The following DNMT3A variants were observed in gnomAD, a reference collection of about 807,000 sequenced individuals.
DNMT3A encodes the protein DNA (cytosine-5)-methyltransferase 3A.
A neutral mutation model predicts 117.6 loss-of-function variants in DNMT3A; 267 were observed. That is an observed-to-expected ratio of 2.27 (90% CI 2.05 to 2.51). The LOEUF is 2.51. DNMT3A is among the 30% of genes most tolerant of loss of function. The probability of loss-of-function intolerance (pLI) is 0.00; values close to 1 mark genes in which losing one functional copy is unlikely to be tolerated. For missense variants in DNMT3A, 1,029 were observed against 1,260.2 expected (o/e 0.82, Z 2.78); for synonymous variants, 432 against 474.8 (o/e 0.91, Z 1.17).
At chr2:25,300,316 C>A (rs1558721853) in intron 2 of DNMT3A, 73 bp from the exon 3 acceptor site, 7 of 1,512,680 alleles carry the variant, frequency 4.6e-6, no homozygotes, top group Middle Eastern at 1.8e-4. Flanking sequence ...CTGTCTGGGG[C>A]TGGCCCTGGC....
chr2:25,335,815 A>G (rs759506055), intron 1 of DNMT3A, among the ~76,000 whole-genome samples: 2 of 152,196 alleles, frequency 1.3e-5, no homozygotes, highest in Non-Finnish European at 2.9e-5. Flanking sequence ...GGAAAGATCA[A>G]TAGGGATGGT....
rs2149385718 is a variant in DNMT3A, at chr2:25,286,585, G to T, written c.178-3874C>A. Among the ~76,000 whole-genome samples, 1 of 152,332 alleles carries T rather than the reference G, an allele frequency of 6.6e-6. No homozygotes were observed. Among genetic ancestry groups the T allele is most frequent in the East Asian group, 1.9e-4 (1 of 5,188 alleles). On this transcript the variant is annotated intron_variant, in intron 3 of 22. Coordinates refer to ENST00000321117, the MANE Select transcript of DNMT3A (RefSeq NM_022552.5). This position sits in a 1 kb window ranked among gnomAD's most constrained non-coding sequence, Gnocchi z 4.3. ...ATGACTTCTGCCACGCTCAACCCTT[G>T]ATTCATCCTACCCATCAAGAACTCC...
chr2:25,242,371 G>A (rs1674182165), intron 16 of DNMT3A, among the ~76,000 whole-genome samples: 1 of 152,120 alleles, frequency 6.6e-6, no homozygotes, highest in African/African-American at 2.4e-5. Context: ...ACTGAGGCAA[G>A]GAAACAATCA....
rs530442444 is a variant in DNMT3A, at chr2:25,294,200, C to CT, written c.177+5938dup. 5.3e-5 allele frequency among the ~76,000 whole-genome samples: 8 copies of CT among 152,294 alleles called. No homozygotes were observed. In the South Asian group the frequency reaches 1.7e-3, roughly 32 times the overall value. On this transcript the variant is annotated intron_variant, in intron 3 of 22. Coordinates refer to ENST00000321117, the MANE Select transcript of DNMT3A (RefSeq NM_022552.5). The surrounding 1 kb of genome is among the most constrained non-coding windows in gnomAD (Gnocchi z 4.7). ...GCCCCACCTCCTCCATCTTCCCTGG[C>CT]TTCCCCGGCATCCTTAGGAGTCCCA...
At chr2:25,268,567 G>A (rs1372168387) in intron 6 of DNMT3A, among the ~76,000 whole-genome samples, 1 of 152,148 alleles carries the variant, frequency 6.6e-6, no homozygotes, top group African/African-American at 2.4e-5. Flanking sequence ...AGGAAGAGGA[G>A]CTAAGGGAGT....
chr2:25,296,927 A>G lies in DNMT3A; in HGVS notation c.177+3212T>C, dbSNP rs1250376981. 6.6e-6 allele frequency among the ~76,000 whole-genome samples: 1 copy of G among 152,100 alleles called. No homozygotes were observed. Among genetic ancestry groups the G allele is most frequent in the Non-Finnish European group, 1.5e-5 (1 of 68,000 alleles). ...GCCAGGGTTTCATCTCTTACTTCCC[A>G]GTCCCCATCCCTGTCACACCTGTCA... On this transcript the variant is annotated intron_variant, in intron 3 of 22. Transcript: ENST00000321117. This position sits in a 1 kb window ranked among gnomAD's most constrained non-coding sequence, Gnocchi z 4.2.
chr2:25,301,065 T>C (rs965649144), intron 2 of DNMT3A, among the ~76,000 whole-genome samples: 3 of 150,732 alleles, frequency 2.0e-5, no homozygotes, highest in East Asian at 2.0e-4. Context: ...GGTCAGGAGA[T>C]TGAGACCATC....
At chr2:25,329,671 C>CT (rs2034933438) in intron 1 of DNMT3A, among the ~76,000 whole-genome samples, 1 of 95,114 alleles carries the variant, frequency 1.1e-5, no homozygotes, top group African/African-American at 4.5e-5. Context: ...GTCATGCAGA[C>CT]CCCACACACA....
In DNMT3A at chr2:25,293,485, G is replaced by C. The variant is rs1205623708; in HGVS notation, c.177+6654C>G. ...GCAAACTACCTTTCCAATCAAGATT[G>C]AGAAGATTTTTCTTCTTTCTTTGAG... On this transcript the variant is annotated intron_variant, in intron 3 of 22. Transcript: ENST00000321117. This position sits in a 1 kb window ranked among gnomAD's most constrained non-coding sequence, Gnocchi z 4.7. Among the ~76,000 whole-genome samples, 1 of 152,130 alleles carries C rather than the reference G, an allele frequency of 6.6e-6. No homozygotes were observed. Among genetic ancestry groups the C allele is most frequent in the Non-Finnish European group, 1.5e-5 (1 of 68,026 alleles).
At chr2:25,309,000 C>CACACACAT (rs57618482) in intron 2 of DNMT3A, among the ~76,000 whole-genome samples, 1 of 151,244 alleles carries the variant, frequency 6.6e-6, no homozygotes, top group Non-Finnish European at 1.5e-5. Flanking sequence ...CACACACACA[C>CACACACAT]GCACGCACAT....
chr2:25,284,694 A>AAT (rs1373539356), intron 3 of DNMT3A, among the ~76,000 whole-genome samples: 1 of 150,412 alleles, frequency 6.6e-6, no homozygotes, highest in African/African-American at 2.4e-5. Context: ...AAAAAAAAAA[A>AAT]AATAATGCTA....
chr2:25,323,159 C>A (rs773434470), intron 1 of DNMT3A, among the ~76,000 whole-genome samples: 1 of 152,114 alleles, frequency 6.6e-6, no homozygotes, highest in Non-Finnish European at 1.5e-5. Context: ...ACCTTTTTAT[C>A]GATGCGATGG....
intron 2 of DNMT3A, among the ~76,000 whole-genome samples, chr2:25,308,968 TACACACAC>T (rs10628428): frequency 3.5e-5 from 5 of 144,046 alleles, no homozygotes; most frequent in Admixed American, 7.0e-5. Context: ...CACAGATGCA[TACACACAC>T]ACACACACAC....
intron 5 of DNMT3A, among the ~76,000 whole-genome samples, 161 bp downstream of exon 5, chr2:25,275,339 T>C (rs540133871): frequency 2.6e-5 from 4 of 152,152 alleles, no homozygotes; most frequent in South Asian, 2.1e-4. Flanking sequence ...GGCTGCCTTG[T>C]TGGGGGACTT....
At chr2:25,341,076 C>T (rs1181232261) in intron 1 of DNMT3A, among the ~76,000 whole-genome samples, 4 of 146,050 alleles carry the variant, frequency 2.7e-5, no homozygotes, top group Non-Finnish European at 6.1e-5. Context: ...CCGCCGGCGC[C>T]CCGCACCCCC....
chr2:25,308,517 C>T (rs2033902780), intron 2 of DNMT3A, among the ~76,000 whole-genome samples: 1 of 152,128 alleles, frequency 6.6e-6, no homozygotes, highest in Non-Finnish European at 1.5e-5. Flanking sequence ...CAGGGATGGG[C>T]ACTGTTTACA....
rs1010492131 is a variant in DNMT3A, at chr2:25,254,004, G to A, written c.640-5752C>T. Among the ~76,000 whole-genome samples, 2 of 151,654 alleles carry A rather than the reference G, an allele frequency of 1.3e-5. No individual in the cohort carries two copies. The highest frequency in any genetic ancestry group is 4.9e-5 in the African/African-American group (2 of 41,224). ...AGAGAATCGCTTCAACTTAGGAGGCGGATGTTGCAGTGAGCCGAGATCATG... is the reference window on the plus strand; with the variant it reads ...AGAGAATCGCTTCAACTTAGGAGGCAGATGTTGCAGTGAGCCGAGATCATG... On this transcript the variant is annotated intron_variant, in intron 6 of 22. Transcript: ENST00000321117. The surrounding 1 kb of genome is among the most constrained non-coding windows in gnomAD (Gnocchi z 4.7).
Position 25,236,804 on chromosome 2 carries a change from C to G in DNMT3A, c.2478+132G>C, listed in dbSNP as rs1473434414. 9.4e-6 allele frequency: 9 copies of G among 958,994 alleles called. No homozygotes were observed. The highest frequency in any genetic ancestry group is 1.6e-5 in the African/African-American group (1 of 60,868). 59.4% of individuals were successfully genotyped at this position (958,994 alleles called of 1,614,324 possible). The stretch of plus-strand genomic sequence containing the variant: ...CTGGCTGCCCTGCTGCATGACCCTG[C>G]ACCGTCTCCTAAATTGCATTCTCCA... On this transcript the variant is annotated intron_variant, in intron 21 of 22. Transcript: ENST00000321117. This position sits in a 1 kb window ranked among gnomAD's most constrained non-coding sequence, Gnocchi z 4.5.
intron 1 of DNMT3A, chr2:25,314,705 G>A: frequency 1.0e-6 from 1 of 985,414 alleles, no homozygotes; most frequent in Non-Finnish European, 1.2e-6. Context: ...AGCTCAGGCT[G>A]CAGGCCTGGT....
Sources: gnomAD v4.1 joint callset for allele counts (sites outside exome capture counted in the v4.1 genomes callset) on GRCh38, gnomAD v4.1.1 for gene constraint, Gnocchi (gnomAD v3.1) non-coding constraint, MANE v1.5 for transcripts, NCBI Gene and HGNC (gene_info 2026-07-23, HGNC 2026-07-21) for gene names.